Variants in OR2L13 observed in about 807,000 individuals in gnomAD.
OR2L13 encodes olfactory receptor family 2 subfamily L member 13, also known as olfactory receptor 2L13.
A neutral mutation model predicts 15.3 loss-of-function variants in OR2L13; 14 were observed. That is an observed-to-expected ratio of 0.91 (90% CI 0.60 to 1.43). The LOEUF is 1.43. OR2L13 is among the 40% of genes most tolerant of loss of function. The probability of loss-of-function intolerance (pLI) is 0.00; values close to 1 mark genes in which losing one functional copy is unlikely to be tolerated. For synonymous variants in OR2L13, 152 were observed against 142.9 expected (o/e 1.06, Z -0.45); for missense variants, 367 against 387.9 (o/e 0.95, Z 0.45).
At chr1:248,071,450 T>A in the OR2L13 span, among the ~76,000 whole-genome samples, 3 of 152,148 alleles carry the variant, frequency 2.0e-5, no homozygotes, top group South Asian at 6.2e-4. Context: ...AAACTCTCAA[T>A]AAATTAGGTA....
chr1:247,990,108 T>C, the OR2L13 span: 4 of 235,686 alleles, frequency 1.7e-5, no homozygotes, highest in African/African-American at 6.8e-5. Context: ...TTATAATATA[T>C]ATTTATTGAT....
chr1:248,000,952 G>A, the OR2L13 span, among the ~76,000 whole-genome samples: 2 of 151,360 alleles, frequency 1.3e-5, no homozygotes, highest in East Asian at 3.9e-4. Context: ...TTTTCCTTTT[G>A]TTTTGGGTGA....
the OR2L13 span, chr1:248,045,927 A>T: frequency 6.6e-6 from 1 of 152,314 alleles, no homozygotes; most frequent in East Asian, 1.9e-4. Context: ...ATGTCAAAAT[A>T]TATATCAATA....
the OR2L13 span, among the ~76,000 whole-genome samples, chr1:248,019,223 C>A: frequency 2.0e-5 from 3 of 151,972 alleles, no homozygotes; most frequent in African/African-American, 7.3e-5. Flanking sequence ...TCCAGAAATA[C>A]AATATTTTGA....
the OR2L13 span, chr1:247,975,649 G>A: frequency 8.6e-7 from 1 of 1,165,904 alleles, no homozygotes; most frequent in Non-Finnish European, 1.3e-6. Context: ...AATCTTCCCT[G>A]TGAAGATGAA....
exon 3 of OR2L13, chr1:248,100,369 G>A (rs1470480232): frequency 5.8e-6 from 6 of 1,027,496 alleles, no homozygotes; most frequent in South Asian, 1.5e-5. Flanking sequence ...ATTCCAACAC[G>A]CTAGAGCAGG....
the OR2L13 span, among the ~76,000 whole-genome samples, chr1:247,992,496 C>T: frequency 6.6e-6 from 1 of 151,940 alleles, no homozygotes. Flanking sequence ...TGGTAGTGAA[C>T]ATAGTACCCA....
At chr1:248,060,569 C>A in the OR2L13 span, 1 of 795,916 alleles carries the variant, frequency 1.3e-6, no homozygotes, top group African/African-American at 1.7e-5. Flanking sequence ...GTGTCAACTC[C>A]AGTCTCAAGA....
At chr1:248,018,818 G>A in the OR2L13 span, among the ~76,000 whole-genome samples, 2 of 151,876 alleles carry the variant, frequency 1.3e-5, no homozygotes, top group African/African-American at 2.4e-5. Context: ...TCCCTTCCCC[G>A]GTCCCCTGGG....
chr1:248,070,148 C>A, the OR2L13 span, among the ~76,000 whole-genome samples: 7 of 152,164 alleles, frequency 4.6e-5, no homozygotes. Flanking sequence ...ACAGAACTCT[C>A]CACCCCAAAT....
chr1:247,971,623 C>T, the OR2L13 span, among the ~76,000 whole-genome samples: 1 of 152,016 alleles, frequency 6.6e-6, no homozygotes, highest in African/African-American at 2.4e-5. Flanking sequence ...GGTCCAGTTT[C>T]AGTTTTCTGC....
At chr1:248,084,680 T>C in the OR2L13 span, 3 of 1,482,138 alleles carry the variant, frequency 2.0e-6, no homozygotes, top group Non-Finnish European at 2.7e-6. Flanking sequence ...AACTTCCCTC[T>C]TTTTTTTCAT....
chr1:247,988,443 A>G, the OR2L13 span, among the ~76,000 whole-genome samples: 2 of 152,126 alleles, frequency 1.3e-5, no homozygotes, highest in Non-Finnish European at 1.5e-5. Context: ...TATCATACAT[A>G]TTTTCCTTCC....
chr1:247,961,512 A>G, the OR2L13 span, among the ~76,000 whole-genome samples: 1 of 152,198 alleles, frequency 6.6e-6, no homozygotes, highest in African/African-American at 2.4e-5. Context: ...GAAGCAGGCT[A>G]ATTGAACTGC....
At chr1:248,001,405 T>C in the OR2L13 span, among the ~76,000 whole-genome samples, 1 of 151,874 alleles carries the variant, frequency 6.6e-6, no homozygotes, top group African/African-American at 2.4e-5. Flanking sequence ...GCTTGTTTTT[T>C]CCTCCTGTGT....
the OR2L13 span, among the ~76,000 whole-genome samples, chr1:247,943,770 G>C: frequency 6.6e-6 from 1 of 152,030 alleles, no homozygotes; most frequent in South Asian, 2.1e-4. Flanking sequence ...TTTCCACAGT[G>C]CCTTTATTAT....
the OR2L13 span, among the ~76,000 whole-genome samples, chr1:247,993,338 C>CATT: frequency 7.7e-6 from 1 of 130,100 alleles, no homozygotes; most frequent in African/African-American, 3.8e-5. Context: ...GCTGTTTCCT[C>CATT]GTTGTTTTTT....
upstream of OR2L13, among the ~76,000 whole-genome samples, chr1:248,090,750 T>G (rs1410582192): frequency 6.6e-6 from 1 of 152,214 alleles, no homozygotes; most frequent in Non-Finnish European, 1.5e-5. Flanking sequence ...TGAACATACA[T>G]GTGCAGGTTA....
the OR2L13 span, among the ~76,000 whole-genome samples, chr1:247,993,760 GGGGAGAGAGAGAGAGAGAGAGAGAGA>G: frequency 5.6e-5 from 3 of 53,710 alleles, no homozygotes; most frequent in East Asian, 4.6e-4. Context: ...ACAGAGAGAG[GGGGAGAGAGAGAGAGAGAGAGAGAGA>G]GAGAGAGAGA....
Sources: gnomAD v4.1 joint callset for allele counts (sites outside exome capture counted in the v4.1 genomes callset) on GRCh38, gnomAD v4.1.1 for gene constraint, MANE v1.5 for transcripts, NCBI Gene and HGNC (gene_info 2026-07-23, HGNC 2026-07-21) for gene names.